TMEM132D: variants seen among roughly 807,000 people sequenced by gnomAD.
The protein encoded by TMEM132D is mature OL transmembrane protein.
A neutral mutation model predicts 62.3 loss-of-function variants in TMEM132D; 21 were observed. That is an observed-to-expected ratio of 0.34 (90% confidence interval 0.24 to 0.49). The LOEUF (loss-of-function observed/expected upper bound fraction) is 0.49. Ranked by LOEUF, TMEM132D falls within the 20% of genes least tolerant of loss-of-function variation. The pLI is 0.99. For missense variants in TMEM132D, 1,346 were observed against 1,402.8 expected (o/e 0.96, Z 0.65); for synonymous variants, 621 against 575.6 (o/e 1.08, Z -1.13).
At chr12:129,556,341 T>C (rs1336995834) in intron 2 of TMEM132D, among the ~76,000 whole-genome samples, 4 of 152,228 alleles carry the variant, frequency 2.6e-5, no homozygotes, top group Admixed American at 1.3e-4. Flanking sequence ...GACACCTGGA[T>C]CGGCACCGAG....
intron 1 of TMEM132D, among the ~76,000 whole-genome samples, chr12:129,892,461 G>C (rs922235323): frequency 6.6e-6 from 1 of 152,108 alleles, no homozygotes; most frequent in East Asian, 1.9e-4. Flanking sequence ...GGCTTGATCT[G>C]AGTGAACAGA....
At chr12:129,224,184 C>T (rs1879420958) in intron 4 of TMEM132D, among the ~76,000 whole-genome samples, 1 of 152,156 alleles carries the variant, frequency 6.6e-6, no homozygotes, top group Non-Finnish European at 1.5e-5. Context: ...CCTGGAGTTA[C>T]TCATTGCCTT....
intron 1 of TMEM132D, among the ~76,000 whole-genome samples, chr12:129,812,814 G>C (rs560381887): frequency 2.6e-5 from 4 of 151,646 alleles, no homozygotes; most frequent in African/African-American, 9.7e-5. Flanking sequence ...TCTCCATACT[G>C]TCTCCCTAAG....
intron 2 of TMEM132D, among the ~76,000 whole-genome samples, chr12:129,568,550 G>A (rs1373825847): frequency 5.3e-5 from 8 of 152,022 alleles, no homozygotes; most frequent in South Asian, 2.1e-4. Flanking sequence ...ATCTCAAATC[G>A]AACTATTCTC....
Position 129,779,331 on chromosome 12 carries a change from C to T in TMEM132D, c.80-78633G>A, listed in dbSNP as rs1257630786. Among the ~76,000 whole-genome samples the T allele has an allele frequency of 6.6e-6, 1 of 152,198 alleles. No homozygotes were observed. Among genetic ancestry groups the T allele is most frequent in the Non-Finnish European group, 1.5e-5 (1 of 68,040 alleles). ...TGAGACAGGGTCTCACTTTGTCGCCCAGGCTGGAGAGCAGTGGTGTTATCT... is the reference window on the plus strand; with the variant it reads ...TGAGACAGGGTCTCACTTTGTCGCCTAGGCTGGAGAGCAGTGGTGTTATCT... On this transcript the variant is annotated intron_variant, in intron 1 of 8. Coordinates refer to ENST00000422113, the MANE Select transcript of TMEM132D (RefSeq NM_133448.3). This position sits in a 1 kb window ranked among gnomAD's most constrained non-coding sequence, Gnocchi z 4.1.
At chr12:129,690,243 TG>T (rs1317419214) in intron 2 of TMEM132D, among the ~76,000 whole-genome samples, 6 of 152,002 alleles carry the variant, frequency 3.9e-5, no homozygotes, top group Non-Finnish European at 8.8e-5. Context: ...GGATAGCAAA[TG>T]TAATCACATA....
At chr12:129,682,080 G>A (rs758571539) in intron 2 of TMEM132D, among the ~76,000 whole-genome samples, 1 of 152,148 alleles carries the variant, frequency 6.6e-6, no homozygotes, top group East Asian at 1.9e-4. Context: ...CTTTGACCAT[G>A]GTCCTCTTTT....
intron 1 of TMEM132D, among the ~76,000 whole-genome samples, chr12:129,703,671 A>G (rs1395461766): frequency 6.6e-6 from 1 of 152,172 alleles, no homozygotes; most frequent in East Asian, 1.9e-4. Flanking sequence ...ATAATTCGCT[A>G]AGGACAAAAA....
chr12:129,613,842 GA>G (rs1878843902), intron 2 of TMEM132D, among the ~76,000 whole-genome samples: 1 of 151,716 alleles, frequency 6.6e-6, no homozygotes, highest in African/African-American at 2.4e-5. Flanking sequence ...GAACCCAGGG[GA>G]TCGGCTCCAG....
intron 1 of TMEM132D, among the ~76,000 whole-genome samples, chr12:129,869,046 GT>G (rs1201055726): frequency 1.5e-5 from 2 of 133,730 alleles, no homozygotes; most frequent in Non-Finnish European, 3.2e-5. Context: ...CAGCCACTGT[GT>G]TTTTATTTTG....
intron 5 of TMEM132D, among the ~76,000 whole-genome samples, chr12:129,106,988 AT>A (rs1875522109): frequency 6.6e-6 from 1 of 152,186 alleles, no homozygotes; most frequent in African/African-American, 2.4e-5. Context: ...TTACCTCAGC[AT>A]CCCCTAACTG....
At chr12:129,578,683 A>G (rs1593073325) in intron 2 of TMEM132D, among the ~76,000 whole-genome samples, 1 of 152,132 alleles carries the variant, frequency 6.6e-6, no homozygotes, top group Non-Finnish European at 1.5e-5. Flanking sequence ...TGAAGGCCAG[A>G]GAACTGGGGA....
chr12:129,439,158 A>G (rs979573780), intron 3 of TMEM132D, among the ~76,000 whole-genome samples: 3 of 152,232 alleles, frequency 2.0e-5, no homozygotes, highest in African/African-American at 7.2e-5. Context: ...GGACATTGGG[A>G]ATTACTGAAT....
chr12:129,590,707 C>T (rs1256245143), intron 2 of TMEM132D, among the ~76,000 whole-genome samples: 1 of 152,208 alleles, frequency 6.6e-6, no homozygotes, highest in Non-Finnish European at 1.5e-5. Flanking sequence ...CAGCCCAGAG[C>T]TCAATGGCAA....
chr12:129,824,406 T>C (rs1214235946), intron 1 of TMEM132D, among the ~76,000 whole-genome samples: 1 of 152,146 alleles, frequency 6.6e-6, no homozygotes, highest in African/African-American at 2.4e-5. Flanking sequence ...CTAACCAATA[T>C]TAGATTGTGT....
intron 5 of TMEM132D, among the ~76,000 whole-genome samples, chr12:129,176,617 C>T (rs965900777): frequency 6.6e-6 from 1 of 152,232 alleles, no homozygotes; most frequent in African/African-American, 2.4e-5. Flanking sequence ...GCTCTCGCTA[C>T]CACACAACAC....
At chr12:129,181,751 A>G (rs1878071313) in intron 5 of TMEM132D, among the ~76,000 whole-genome samples, 2 of 152,148 alleles carry the variant, frequency 1.3e-5, no homozygotes, top group African/African-American at 4.8e-5. Context: ...ATTTATTCTT[A>G]GAAGATTCCA....
chr12:129,589,613 C>A (rs891076350), intron 2 of TMEM132D, among the ~76,000 whole-genome samples: 3 of 152,146 alleles, frequency 2.0e-5, no homozygotes, highest in African/African-American at 7.2e-5. Flanking sequence ...AGAGAAAGAA[C>A]AGTGATGCAG....
chr12:129,180,696 G>A (rs529039329), intron 5 of TMEM132D, among the ~76,000 whole-genome samples: 6 of 152,348 alleles, frequency 3.9e-5, no homozygotes, highest in Non-Finnish European at 7.3e-5. Context: ...TGACACGAAG[G>A]AGGCCGTTTC....
Sources: gnomAD v4.1 joint callset for allele counts (sites outside exome capture counted in the v4.1 genomes callset) on GRCh38, gnomAD v4.1.1 for gene constraint, Gnocchi (gnomAD v3.1) non-coding constraint, MANE v1.5 for transcripts, NCBI Gene and HGNC (gene_info 2026-07-23, HGNC 2026-07-21) for gene names.